The following PPP1R9A variants were observed in gnomAD, a reference collection of about 807,000 sequenced individuals.
PPP1R9A encodes the protein protein phosphatase 1 regulatory subunit 9A.
Under a neutral mutation model 141.9 loss-of-function variants are expected in PPP1R9A, and 59 were observed. The ratio of observed to expected loss-of-function variants is 0.42; its 90% CI spans 0.34 to 0.52. The LOEUF is 0.52. Ranked by LOEUF, PPP1R9A falls within the 20% of genes least tolerant of loss-of-function variation. The pLI, the probability that PPP1R9A is intolerant of heterozygous loss-of-function variation, is 0.10. For missense variants in PPP1R9A, 1,444 were observed against 1,611.9 expected (o/e 0.90, Z 1.78); for synonymous variants, 500 against 569.7 (o/e 0.88, Z 1.74).
chr7:95,085,424 T>G (rs1816480216), intron 2 of PPP1R9A, among the ~76,000 whole-genome samples: 1 of 120,478 alleles, frequency 8.3e-6, no homozygotes, highest in South Asian at 2.6e-4. Flanking sequence ...ATTTTTGGTT[T>G]TTTTTTTTTT....
At chr7:95,022,546 T>C (rs1425955794) in intron 2 of PPP1R9A, among the ~76,000 whole-genome samples, 1 of 152,240 alleles carries the variant, frequency 6.6e-6, no homozygotes, top group East Asian at 1.9e-4. Context: ...AGGGCATCTT[T>C]GTCTTGTGCT....
At chr7:95,119,735 T>A (rs1486810093) in intron 3 of PPP1R9A, among the ~76,000 whole-genome samples, 1 of 152,050 alleles carries the variant, frequency 6.6e-6, no homozygotes, top group Admixed American at 6.6e-5. Flanking sequence ...ATTACAGACG[T>A]GAGCCACTGT....
At chr7:95,026,943 T>G (rs1258012331) in intron 2 of PPP1R9A, among the ~76,000 whole-genome samples, 2 of 152,108 alleles carry the variant, frequency 1.3e-5, no homozygotes, top group Non-Finnish European at 2.9e-5. Flanking sequence ...CCCACCAAGC[T>G]TGAGTGTCCC....
At chr7:95,095,839 A>C (rs1817939052) in intron 2 of PPP1R9A, among the ~76,000 whole-genome samples, 1 of 152,248 alleles carries the variant, frequency 6.6e-6, no homozygotes, top group Non-Finnish European at 1.5e-5. Context: ...ATTCCCTAAC[A>C]ATTAGTTGTT....
chr7:95,115,807 C>T (rs1821392589), intron 3 of PPP1R9A, among the ~76,000 whole-genome samples: 1 of 151,350 alleles, frequency 6.6e-6, no homozygotes, highest in African/African-American at 2.4e-5. Context: ...GTCCCAGCTA[C>T]TCAGGAGGCT....
chr7:95,155,204 T>TA (rs1491353326), intron 4 of PPP1R9A: 1 of 96,984 alleles, frequency 1.0e-5, no homozygotes, highest in East Asian at 3.0e-4. Context: ...TTTTTTTTTT[T>TA]GAGACAGAGT....
chr7:95,285,533 G>T (rs1805128839), intron 17 of PPP1R9A, among the ~76,000 whole-genome samples: 1 of 152,186 alleles, frequency 6.6e-6, no homozygotes, highest in Admixed American at 6.5e-5. Flanking sequence ...TTCTGGGGAA[G>T]TTTTATTTAC....
intron 2 of PPP1R9A, among the ~76,000 whole-genome samples, chr7:94,915,623 A>G (rs1315811943): frequency 1.3e-5 from 2 of 152,202 alleles, no homozygotes; most frequent in Non-Finnish European, 2.9e-5. Flanking sequence ...TCCAGAAGCA[A>G]GAGGAAAGCT....
chr7:95,172,186 A>C (rs1199822760), intron 5 of PPP1R9A, among the ~76,000 whole-genome samples: 1 of 151,554 alleles, frequency 6.6e-6, no homozygotes, highest in Admixed American at 6.6e-5. Flanking sequence ...TCTTGGTATT[A>C]AGAACAATGC....
At chr7:95,140,316 A>G (rs1826425138) in intron 4 of PPP1R9A, among the ~76,000 whole-genome samples, 1 of 152,230 alleles carries the variant, frequency 6.6e-6, no homozygotes, top group African/African-American at 2.4e-5. Context: ...GAGAAGGCAT[A>G]TATACAGTAT....
At chr7:95,209,992 A>G (rs373575613) in intron 7 of PPP1R9A, among the ~76,000 whole-genome samples, 2 of 152,302 alleles carry the variant, frequency 1.3e-5, no homozygotes, top group East Asian at 3.9e-4. Context: ...CTCAAGGAAG[A>G]CTGCCAGTTT....
At chr7:95,109,945 A>G (rs1276387541) in intron 2 of PPP1R9A, among the ~76,000 whole-genome samples, 1 of 152,104 alleles carries the variant, frequency 6.6e-6, no homozygotes, top group Non-Finnish European at 1.5e-5. Flanking sequence ...ACCCTATACT[A>G]TGGAAATGTG....
In PPP1R9A at chr7:95,225,840, ACCTACTTACACT is replaced by A. The variant is rs202155602; in HGVS notation, c.1957-120_1957-109del. 3.3e-3 allele frequency: 3,423 copies of A among 1,049,646 alleles called. 82 individuals carry two copies. In the African/African-American group the frequency reaches 0.047, roughly 14 times the overall value. 65.0% of individuals were successfully genotyped at this position (1,049,646 alleles called of 1,614,324 possible). A position where few individuals can be genotyped will look rare whatever the true frequency, so the allele number is the denominator to read the frequency against. On this transcript the variant is annotated intron_variant, in intron 7 of 19. Coordinates refer to ENST00000433360, the MANE Select transcript of PPP1R9A (RefSeq NM_001166160.2). ...TGCATGAGGCATGCTTGGCTGAAAA[ACCTACTTACACT>A]TTTACCATTTGGGTACATGTCTTAC...
At chr7:95,041,227 A>AG (rs1165436170) in intron 2 of PPP1R9A, among the ~76,000 whole-genome samples, 4 of 152,184 alleles carry the variant, frequency 2.6e-5, no homozygotes, top group Admixed American at 1.3e-4. Context: ...ATACATTAGT[A>AG]GACGAATCTC....
intron 2 of PPP1R9A, among the ~76,000 whole-genome samples, chr7:94,983,371 TC>T (rs974934421): frequency 6.6e-5 from 10 of 152,194 alleles, no homozygotes; most frequent in African/African-American, 2.4e-4. Context: ...GTGAAGAAAG[TC>T]ATTGGTAGCT....
At chr7:95,196,371 G>A (rs1446672260) in intron 5 of PPP1R9A, among the ~76,000 whole-genome samples, 1 of 152,090 alleles carries the variant, frequency 6.6e-6, no homozygotes, top group Non-Finnish European at 1.5e-5. Context: ...TGCATTGCTA[G>A]TGGGAATATG....
At chr7:95,159,765 T>C (rs2152703528) in intron 4 of PPP1R9A, among the ~76,000 whole-genome samples, 1 of 150,856 alleles carries the variant, frequency 6.6e-6, no homozygotes, top group East Asian at 1.9e-4. Flanking sequence ...CTACTAAAAA[T>C]ACAAAAAAAC....
chr7:95,200,363 C>G (rs1362944783), intron 6 of PPP1R9A, among the ~76,000 whole-genome samples: 2 of 151,594 alleles, frequency 1.3e-5, no homozygotes, highest in Admixed American at 6.6e-5. Context: ...AGCTCCTGGG[C>G]TCAAGCCAAC....
chr7:95,048,923 A>AACAGGGAGAAGTCTGGTCAGACCC (rs1810410146), intron 2 of PPP1R9A, among the ~76,000 whole-genome samples: 1 of 152,098 alleles, frequency 6.6e-6, no homozygotes, highest in African/African-American at 2.4e-5. Context: ...ATTTGAAATT[A>AACAGGGAGAAGTCTGGTCAGACCC]TTTCAGTTAT....
Sources: gnomAD v4.1 joint callset for allele counts (sites outside exome capture counted in the v4.1 genomes callset) on GRCh38, gnomAD v4.1.1 for gene constraint, MANE v1.5 for transcripts, NCBI Gene and HGNC (gene_info 2026-07-23, HGNC 2026-07-21) for gene names.